The following CDK13 variants were observed in gnomAD, a reference collection of about 807,000 sequenced individuals.
CDK13 encodes cyclin dependent kinase 13, also known as cyclin-dependent kinase 13.
A neutral mutation model predicts 137.6 loss-of-function variants in CDK13; 40 were observed. That is an observed-to-expected ratio of 0.29 (90% CI 0.23 to 0.38). The LOEUF is 0.38. CDK13 is among the 10% of genes least tolerant of loss of function. The pLI is 1.00. For missense variants in CDK13, 1,704 were observed against 1,951.8 expected (o/e 0.87, Z 2.39); for synonymous variants, 869 against 760.1 (o/e 1.14, Z -2.36).
intron 5 of CDK13, among the ~76,000 whole-genome samples, chr7:40,034,723 G>T (rs1785447130): frequency 6.6e-6 from 1 of 152,082 alleles, no homozygotes; most frequent in Admixed American, 6.6e-5. Context: ...AATACATATT[G>T]TCTGATTACT....
At chr7:40,030,425 T>G (rs1415270062) in intron 5 of CDK13, among the ~76,000 whole-genome samples, 44 of 82,792 alleles carry the variant, frequency 5.3e-4, no homozygotes, top group African/African-American at 1.8e-4. Flanking sequence ...ACCACTGATT[T>G]TTTTTTTTTT....
chr7:40,069,351 A>G (rs937250687), intron 9 of CDK13: 1 of 455,906 alleles, frequency 2.2e-6, no homozygotes, highest in African/African-American at 2.0e-5. Context: ...ATCTGACTAT[A>G]ATGAGGCAAC....
intron 5 of CDK13, among the ~76,000 whole-genome samples, chr7:40,025,150 C>CA (rs1484964497): frequency 8.3e-5 from 4 of 47,998 alleles, no homozygotes; most frequent in Non-Finnish European, 1.5e-4. Flanking sequence ...CTTTAAATCT[C>CA]AGCTTAAGTA....
In CDK13 at chr7:40,008,842, A is replaced by C. The variant is rs556445987; in HGVS notation, c.2353+6811A>C. On this transcript the variant is annotated intron_variant, in intron 5 of 13. Transcript: ENST00000181839. ...ATTCATTATGTTATGTAAAAGATAA[A>C]ACTTACAAAATAGTCTGCGTTCTAC... is the stretch of plus-strand genomic sequence containing the variant. Among the ~76,000 whole-genome samples the C allele has an allele frequency of 1.4e-3, 213 of 152,308 alleles. 1 individual carries two copies. Among genetic ancestry groups the C allele is most frequent in the African/African-American group, 5.0e-3 (208 of 41,572 alleles).
chr7:40,005,134 A>C lies in CDK13; in HGVS notation c.2353+3103A>C, dbSNP rs1296770765. 2.0e-5 allele frequency among the ~76,000 whole-genome samples: 3 copies of C among 150,378 alleles called. No homozygotes were observed. The East Asian group carries it at 5.9e-4, about 30-fold the overall frequency. On this transcript the variant is annotated intron_variant, in intron 5 of 13. Coordinates refer to ENST00000181839, the MANE Select transcript of CDK13 (RefSeq NM_003718.5). ...GGTTGCAGTGAGCCGAGATTGCACC[A>C]TTGCACTCCAGCCTAAGTGACAGAG...
chr7:40,023,378 AC>A (rs1785170217), intron 5 of CDK13, among the ~76,000 whole-genome samples: 11 of 152,010 alleles, frequency 7.2e-5, no homozygotes, highest in Non-Finnish European at 5.9e-5. Context: ...TTCTGATTAT[AC>A]ATTTTCATAA....
chr7:40,031,220 CTG>C (rs1248804651), intron 5 of CDK13, among the ~76,000 whole-genome samples: 1 of 152,082 alleles, frequency 6.6e-6, no homozygotes, highest in African/African-American at 2.4e-5. Context: ...TTGCCGTTCT[CTG>C]ATGAAATATG....
rs1250132180 is a variant in CDK13 at position 39,986,308 on chromosome 7, T to C, written c.1212-1291T>C. The C allele has an allele frequency of 2.6e-5, 4 of 152,230 alleles. No individual in the cohort carries two copies. In the South Asian group the frequency reaches 8.3e-4, roughly 31 times the overall value. The allele number at this position is 152,230 out of a possible 1,614,324, so 9.4% of individuals were successfully genotyped here. On this transcript the variant is annotated intron_variant, in intron 1 of 13. Transcript: ENST00000181839. ...ATGCATGGATTTGAAAACCTCAGCT[T>C]CCTTTCACTTGGTACTGTGTTAAAT...
intron 5 of CDK13, among the ~76,000 whole-genome samples, chr7:40,004,602 G>T (rs529615276): frequency 6.6e-6 from 1 of 152,322 alleles, no homozygotes; most frequent in Admixed American, 6.5e-5. Context: ...CTAGCTGTAT[G>T]ACATTACACT....
At chr7:40,028,745 T>C (rs1416619085) in intron 5 of CDK13, among the ~76,000 whole-genome samples, 2 of 152,096 alleles carry the variant, frequency 1.3e-5, no homozygotes, top group Non-Finnish European at 2.9e-5. Flanking sequence ...ATAAATTCCT[T>C]AATATTTTTC....
chr7:39,985,287 G>C (rs1784314098), intron 1 of CDK13: 1 of 152,206 alleles, frequency 6.6e-6, no homozygotes, highest in Non-Finnish European at 1.5e-5. Flanking sequence ...CCATGCTGTT[G>C]CAAGTGACGG....
intron 5 of CDK13, among the ~76,000 whole-genome samples, chr7:40,024,170 G>A (rs1252510119): frequency 6.6e-6 from 1 of 152,102 alleles, no homozygotes; most frequent in African/African-American, 2.4e-5. Context: ...ACGTGTGTGT[G>A]TTACCTCTTC....
chr7:40,068,707 G>GAAA lies in CDK13; in HGVS notation c.2780+5629_2780+5631dup, dbSNP rs1158145409. Among the ~76,000 whole-genome samples the GAAA allele has an allele frequency of 9.5e-3, 447 of 47,070 alleles. 12 individuals are homozygous for GAAA. Among genetic ancestry groups the GAAA allele is most frequent in the African/African-American group, 0.032 (406 of 12,690 alleles). 30.9% of individuals were successfully genotyped at this position (47,070 alleles called of 152,430 possible). A position where few individuals can be genotyped will look rare whatever the true frequency, so the allele number is the denominator to read the frequency against. On this transcript the variant is annotated intron_variant, in intron 9 of 13. Transcript: ENST00000181839. ...GGTGACAGAGTGAGACTATGTCTCA[G>GAAA]AAAAAAAAAAAAAAAAAAAAAAAAG... is the stretch of plus-strand genomic sequence containing the variant.
At position 40,034,924 on chromosome 7, in the gene CDK13, T is replaced by C. The variant is rs934179828; in HGVS notation, c.2354-10912T>C. Among the ~76,000 whole-genome samples the C allele has an allele frequency of 3.9e-5, 6 of 152,342 alleles. No individual in the cohort carries two copies. The South Asian group carries it at 1.2e-3, about 32-fold the overall frequency. ...CTCTGGATTCTTTATTTGTGGACAT[T>C]GACATTTACTTTCAGTTGGGTTATT... On this transcript the variant is annotated intron_variant, in intron 5 of 13. Transcript: ENST00000181839.
In CDK13 at chr7:39,988,245, A is replaced by G; in HGVS notation, c.1858A>G (p.Lys620Glu). The change falls in exon 2 of 14, where the codon AAA becomes GAA. Residue 620 changes from lysine to glutamate, a missense_variant. Lys to Glu is a moderately conservative substitution (Grantham distance 56). Transcript: ENST00000181839. ...LPLPPMLPED[K>E]EADSLRGNIS... ...TTTGCCTCCCATGCTGCCTGAAGAT[A>G]AAGAAGCTGATAGGTAAGTGCAAAA... 1 of 1,596,370 alleles carries G rather than the reference A, an allele frequency of 6.3e-7. No homozygotes were observed. Among genetic ancestry groups the G allele is most frequent in the South Asian group, 1.1e-5 (1 of 87,294 alleles).
intron 5 of CDK13, among the ~76,000 whole-genome samples, chr7:40,041,319 C>CT (rs1785600390): frequency 6.6e-6 from 1 of 152,086 alleles, no homozygotes; most frequent in African/African-American, 2.4e-5. Context: ...GAGTGAGACT[C>CT]TGTCTCAAAA....
chr7:39,960,582 T>G (rs747765895), intron 1 of CDK13, among the ~76,000 whole-genome samples: 6 of 151,062 alleles, frequency 4.0e-5, no homozygotes, highest in Non-Finnish European at 7.4e-5. Flanking sequence ...AATTAATTTA[T>G]TTATTTAAGA....
intron 7 of CDK13, among the ~76,000 whole-genome samples, chr7:40,051,097 G>C (rs976501417): frequency 4.6e-5 from 7 of 152,110 alleles, no homozygotes; most frequent in Non-Finnish European, 7.4e-5. Flanking sequence ...GAAATTTTGA[G>C]TTTAGAGAAC....
intron 1 of CDK13, chr7:39,952,476 T>C (rs1302965921): frequency 2.6e-5 from 4 of 152,212 alleles, no homozygotes; most frequent in African/African-American, 9.6e-5. Context: ...GATATTCTTG[T>C]GTGGGATAGT....
Sources: allele counts gnomAD v4.1 joint callset (sites outside exome capture counted in the v4.1 genomes callset), GRCh38; gene constraint gnomAD v4.1.1; transcripts MANE v1.5; gene names NCBI Gene and HGNC (gene_info 2026-07-23, HGNC 2026-07-21).